Variants in GABRB1 observed in about 807,000 individuals in gnomAD.
GABRB1 encodes the protein gamma-aminobutyric acid type A receptor subunit beta1.
GABRB1 carries 17 observed loss-of-function variants against 51.6 expected under a neutral mutation model. The observed-to-expected ratio is 0.33, with a 90% CI of 0.23 to 0.49. The LOEUF (loss-of-function observed/expected upper bound fraction) is 0.49. Among genes scored for constraint, GABRB1 ranks in the 20% least tolerant of loss-of-function variants. GABRB1 has a pLI of 0.99. For synonymous variants in GABRB1, 247 were observed against 218.9 expected, an observed-to-expected ratio of 1.13 and a Z score of -1.14; for missense variants, 410 against 600.6, an observed-to-expected ratio of 0.68 and a Z score of 3.32.
intron 5 of GABRB1, among the ~76,000 whole-genome samples, chr4:47,347,167 AGCT>A (rs1389388861): frequency 5.9e-5 from 9 of 152,030 alleles, no homozygotes; most frequent in Admixed American, 5.9e-4. Context: ...CTGTAATCCC[AGCT>A]ACTTGGGAAC....
chr4:47,250,124 C>T (rs959391058), intron 4 of GABRB1, among the ~76,000 whole-genome samples: 3 of 152,148 alleles, frequency 2.0e-5, no homozygotes, highest in South Asian at 4.1e-4. Flanking sequence ...CTCCTTTTAA[C>T]AGTTCTTATA....
chr4:47,212,400 G>T (rs1250895680), intron 4 of GABRB1, among the ~76,000 whole-genome samples: 1 of 152,100 alleles, frequency 6.6e-6, no homozygotes, highest in Non-Finnish European at 1.5e-5. Context: ...CCCAGGGCTG[G>T]GTGTGGTGGC....
At chr4:47,031,771 TCTC>T in intron 1 of GABRB1, 40 bp downstream of exon 1, 4 of 1,568,160 alleles carry the variant, frequency 2.6e-6, no homozygotes, top group Non-Finnish European at 3.5e-6. Context: ...TCTCTCTCTC[TCTC>T]TTTTTTTCTT....
intron 4 of GABRB1, among the ~76,000 whole-genome samples, chr4:47,211,041 T>A (rs1316995702): frequency 6.6e-6 from 1 of 152,196 alleles, no homozygotes; most frequent in Non-Finnish European, 1.5e-5. Context: ...CTTTGACACA[T>A]AAGAGGCCCT....
intron 3 of GABRB1, among the ~76,000 whole-genome samples, chr4:47,153,182 C>A (rs1717541417): frequency 6.6e-6 from 1 of 151,998 alleles, no homozygotes; most frequent in African/African-American, 2.4e-5. Context: ...TACCAGTCAG[C>A]CTTTATGTCT....
chr4:47,234,426 G>A (rs1312288704), intron 4 of GABRB1, among the ~76,000 whole-genome samples: 1 of 151,870 alleles, frequency 6.6e-6, no homozygotes, highest in Non-Finnish European at 1.5e-5. Context: ...GGCTGATGTT[G>A]CAGTGAGTGG....
rs137909747 is a variant in GABRB1 at position 47,142,650 on chromosome 4, A to C, written c.241-18599A>C. Among the ~76,000 whole-genome samples, 1,245 of 152,064 alleles carry C rather than the reference A, an allele frequency of 8.2e-3. 12 individuals carry two copies. Among genetic ancestry groups the C allele is most frequent in the African/African-American group, 0.028 (1,168 of 41,534 alleles). ...TTAGAATTATATAGTTATTCAGAAG[A>C]GAGTACATCGTGGCCTTAACTAAGA... On this transcript the variant is annotated intron_variant, in intron 3 of 8. Coordinates refer to ENST00000295454, the MANE Select transcript of GABRB1 (RefSeq NM_000812.4).
chr4:47,311,165 G>A (rs988110213), intron 4 of GABRB1, among the ~76,000 whole-genome samples: 13 of 151,702 alleles, frequency 8.6e-5, no homozygotes, highest in Non-Finnish European at 1.6e-4. Context: ...AGGCCAAGGC[G>A]GGTGGATCAT....
chr4:47,299,082 A>G (rs993694706), intron 4 of GABRB1, among the ~76,000 whole-genome samples: 1 of 151,454 alleles, frequency 6.6e-6, no homozygotes, highest in South Asian at 2.1e-4. Flanking sequence ...TTATACAAAA[A>G]TTAATTCAAG....
chr4:47,369,899 A>C (rs1263309217), intron 5 of GABRB1, among the ~76,000 whole-genome samples: 1 of 152,210 alleles, frequency 6.6e-6, no homozygotes, highest in Admixed American at 6.5e-5. Flanking sequence ...CATGCAAAAA[A>C]GGGTAGCTAT....
intron 4 of GABRB1, among the ~76,000 whole-genome samples, chr4:47,243,100 A>C (rs982856032): frequency 2.0e-5 from 3 of 152,206 alleles, no homozygotes; most frequent in Non-Finnish European, 4.4e-5. Flanking sequence ...AGCTTTCTAC[A>C]TATGGCTAGC....
intron 5 of GABRB1, among the ~76,000 whole-genome samples, chr4:47,357,347 T>C (rs1382257203): frequency 6.6e-6 from 1 of 152,172 alleles, no homozygotes; most frequent in Non-Finnish European, 1.5e-5. Flanking sequence ...GAAGAGTTTC[T>C]ATGGCCAGTA....
At chr4:47,310,401 A>T (rs1188077939) in intron 4 of GABRB1, among the ~76,000 whole-genome samples, 2 of 152,216 alleles carry the variant, frequency 1.3e-5, no homozygotes, top group Non-Finnish European at 2.9e-5. Context: ...CTGGTTAGTC[A>T]TATATCATTT....
intron 4 of GABRB1, among the ~76,000 whole-genome samples, chr4:47,231,023 GTTCA>G (rs1721122428): frequency 6.6e-6 from 1 of 152,122 alleles, no homozygotes; most frequent in Non-Finnish European, 1.5e-5. Context: ...ACACCTACTA[GTTCA>G]GTAAGAAAAC....
At chr4:47,175,659 G>A (rs1718663486) in intron 4 of GABRB1, among the ~76,000 whole-genome samples, 1 of 152,086 alleles carries the variant, frequency 6.6e-6, no homozygotes. Flanking sequence ...CATGAGTAGG[G>A]GATTTCCTCC....
At chr4:47,075,001 G>GA (rs1727489612) in intron 3 of GABRB1, among the ~76,000 whole-genome samples, 1 of 152,152 alleles carries the variant, frequency 6.6e-6, no homozygotes, top group Non-Finnish European at 1.5e-5. Context: ...GCTGCTTTTA[G>GA]AGCAAGTTTC....
At chr4:47,031,542 G>C, upstream of GABRB1, 1 of 849,200 alleles carries the variant, frequency 1.2e-6, no homozygotes, top group East Asian at 2.4e-5. Context: ...TTGGTAGTGA[G>C]CGCGCTCTGC....
chr4:47,314,522 G>T (rs1190194791), intron 4 of GABRB1, among the ~76,000 whole-genome samples: 1 of 151,980 alleles, frequency 6.6e-6, no homozygotes, highest in Non-Finnish European at 1.5e-5. Flanking sequence ...TAAATAAAGT[G>T]AGATGTGCTG....
chr4:47,424,261 T>G (rs1729189326), intron 8 of GABRB1, among the ~76,000 whole-genome samples: 2 of 152,216 alleles, frequency 1.3e-5, no homozygotes. Flanking sequence ...ACATGGGTTC[T>G]AATATCAGGG....
Sources: gnomAD v4.1 joint callset for allele counts (sites outside exome capture counted in the v4.1 genomes callset) on GRCh38, gnomAD v4.1.1 for gene constraint, MANE v1.5 for transcripts, NCBI Gene and HGNC (gene_info 2026-07-23, HGNC 2026-07-21) for gene names.